FBLN2: variants seen among roughly 807,000 people sequenced by gnomAD.
FBLN2 encodes fibulin 2.
In FBLN2, 81 loss-of-function variants were observed where a neutral mutation model predicts 123.7. That is an observed-to-expected ratio of 0.65 (90% CI 0.55 to 0.79). The LOEUF is 0.79. Ranked by LOEUF, FBLN2 falls within the 30% of genes least tolerant of loss-of-function variation. The pLI is 0.00. For missense variants in FBLN2, 1,603 were observed against 1,681.3 expected (o/e 0.95, Z 0.81); for synonymous variants, 699 against 701.4 (o/e 1.00, Z 0.05).
chr3:13,561,583 C>G (rs1368076791), intron 1 of FBLN2, among the ~76,000 whole-genome samples: 2 of 152,212 alleles, frequency 1.3e-5, no homozygotes, highest in Admixed American at 1.3e-4. Context: ...TTCCCCAGAT[C>G]TTTGCATGGC....
intron 2 of FBLN2, among the ~76,000 whole-genome samples, chr3:13,573,139 G>T (rs917366240): frequency 6.6e-6 from 1 of 152,218 alleles, no homozygotes; most frequent in African/African-American, 2.4e-5. Context: ...TGGGGGGAGC[G>T]CCTCAAACAC....
At chr3:13,605,120 C>CA (rs1705160106) in intron 2 of FBLN2, among the ~76,000 whole-genome samples, 1 of 152,188 alleles carries the variant, frequency 6.6e-6, no homozygotes, top group Non-Finnish European at 1.5e-5. Context: ...AGGCACTCAT[C>CA]TGTTACTTGT....
In FBLN2 at chr3:13,562,549, G is replaced by A. The variant is rs192302534; in HGVS notation, c.-41-7766G>A. On this transcript the variant is annotated intron_variant, in intron 1 of 17. Transcript: ENST00000404922. ...TTTTTGTATTTTTAATAGAGATGGC[G>A]TTTCACCATGTTGGCCAGGATGGCC... Among the ~76,000 whole-genome samples, 203 of 152,090 alleles carry A rather than the reference G, an allele frequency of 1.3e-3. 2 individuals carry two copies. The highest frequency in any genetic ancestry group is 4.3e-4 in the Non-Finnish European group (29 of 68,000).
intron 9 of FBLN2, among the ~76,000 whole-genome samples, chr3:13,624,148 G>A (rs567789405): frequency 7.2e-5 from 11 of 152,322 alleles, no homozygotes; most frequent in African/African-American, 2.6e-4. Context: ...TGAATGATGG[G>A]TACAAGGGTA....
intron 2 of FBLN2, among the ~76,000 whole-genome samples, chr3:13,593,713 CAA>C (rs59546141): frequency 1.1e-4 from 9 of 81,176 alleles, no homozygotes; most frequent in Middle Eastern, 7.4e-3. Flanking sequence ...GACTCTATCT[CAA>C]AAAAAAAAAA....
chr3:13,614,886 G>T (rs1226821356), intron 5 of FBLN2, among the ~76,000 whole-genome samples: 1 of 132,708 alleles, frequency 7.5e-6, no homozygotes, highest in Non-Finnish European at 1.6e-5. Context: ...CCATCTGTCT[G>T]ATCATCTATT....
At chr3:13,580,250 T>C (rs1704279931) in intron 2 of FBLN2, among the ~76,000 whole-genome samples, 2 of 152,166 alleles carry the variant, frequency 1.3e-5, no homozygotes, top group South Asian at 2.1e-4. Flanking sequence ...GATATGGATG[T>C]AATTTTTTTT....
intron 2 of FBLN2, among the ~76,000 whole-genome samples, chr3:13,583,776 T>G (rs566573451): frequency 5.9e-4 from 90 of 152,366 alleles, no homozygotes; most frequent in Middle Eastern, 3.4e-3. Context: ...CAAGCCTGCC[T>G]GGCACAGAGG....
intron 1 of FBLN2, among the ~76,000 whole-genome samples, chr3:13,561,848 C>T (rs760582284): frequency 1.3e-4 from 20 of 152,210 alleles, no homozygotes; most frequent in African/African-American, 4.3e-4. Flanking sequence ...TCAACTTTCT[C>T]GGCCAGACAG....
At chr3:13,585,202 C>T (rs759804134) in intron 2 of FBLN2, among the ~76,000 whole-genome samples, 1 of 152,268 alleles carries the variant, frequency 6.6e-6, no homozygotes, top group East Asian at 1.9e-4. Context: ...TGCCTCACAC[C>T]CCCCACCAGC....
At chr3:13,617,969 C>T (rs746436935) in intron 5 of FBLN2, 107 bp from the exon 6 acceptor site, 193 of 941,186 alleles carry the variant, frequency 2.1e-4, no homozygotes, top group Non-Finnish European at 3.0e-4. Flanking sequence ...GTCTGCTGGG[C>T]ACACAGAGGT....
At chr3:13,617,364 A>G (rs1705655090) in intron 5 of FBLN2, among the ~76,000 whole-genome samples, 1 of 151,530 alleles carries the variant, frequency 6.6e-6, no homozygotes, top group South Asian at 2.1e-4. Flanking sequence ...CCATCCTTCC[A>G]TTCACTCATC....
chr3:13,631,184 C>A, intron 15 of FBLN2, 145 bp from the exon 16 acceptor site: 1 of 1,086,608 alleles, frequency 9.2e-7, no homozygotes, highest in Non-Finnish European at 1.3e-6. Context: ...CCTTGGGCAA[C>A]TCTCTTCTAC....
chr3:13,556,860 G>A lies in FBLN2; in HGVS notation c.-42+7652G>A, dbSNP rs145467796. Among the ~76,000 whole-genome samples, 224 of 152,266 alleles carry A rather than the reference G, an allele frequency of 1.5e-3. 5 individuals are homozygous for A. In the East Asian group the frequency reaches 0.035, roughly 24 times the overall value. ...CTGTGTCTGAGGCTATTCAGGAGACGTAGGGGCCCCACTACATCCTCCTGG... is the reference window on the plus strand; with the variant it reads ...CTGTGTCTGAGGCTATTCAGGAGACATAGGGGCCCCACTACATCCTCCTGG... On this transcript the variant is annotated intron_variant, in intron 1 of 17. Transcript: ENST00000404922.
At position 13,570,555 on chromosome 3, in the gene FBLN2, G is replaced by T; in HGVS notation, c.200G>T (p.Gly67Val). The change falls in exon 2 of 18, where the codon GGC becomes GTC. Residue 67 changes from glycine to valine, a missense_variant. Transcript: ENST00000404922. ...TCVQQGCACEGYQYYDCLQGG... is the reference protein window; with the variant it reads ...TCVQQGCACEVYQYYDCLQGG... ...GTGCAGCAGGGCTGCGCCTGCGAGG[G>T]CTACCAGTACTATGACTGCCTACAG... 6.3e-7 allele frequency: 1 copy of T among 1,590,086 alleles called. No homozygotes were observed. The highest frequency in any genetic ancestry group is 8.5e-7 in the Non-Finnish European group (1 of 1,169,762).
At chr3:13,613,446 C>T (rs1574983605) in intron 4 of FBLN2, among the ~76,000 whole-genome samples, 1 of 152,124 alleles carries the variant, frequency 6.6e-6, no homozygotes, top group African/African-American at 2.4e-5. Context: ...GGAACCTAGT[C>T]TTCTATTTTT....
intron 2 of FBLN2, among the ~76,000 whole-genome samples, chr3:13,603,407 GC>G (rs1705105357): frequency 1.9e-5 from 2 of 103,374 alleles, no homozygotes; most frequent in African/African-American, 7.8e-5. Context: ...CCCACGACAG[GC>G]CCCAGTGTGT....
chr3:13,619,009 C>A lies in FBLN2; in HGVS notation c.2045C>A (p.Thr682Asn). Residue 682 changes from threonine (T) to asparagine (N), a missense_variant, in exon 7 of 18, where the codon ACC becomes AAC. Thr to Asn is a moderately conservative substitution (Grantham distance 65). Coordinates refer to ENST00000404922, the MANE Select transcript of FBLN2 (RefSeq NM_001004019.2). ...CCGCTGCCACTGCCGCAGCCCAATA[C>A]CTGCAAAGGTAAGCAGTGTGGGTGG... ...TIPLPLPQPN[T>N]CKDNGPCKQV... is the part of the protein sequence containing the mutation. 2 of 1,609,608 alleles carry A rather than the reference C, an allele frequency of 1.2e-6. No individual in the cohort carries two copies. Among genetic ancestry groups the A allele is most frequent in the Admixed American group, 3.4e-5 (2 of 59,540 alleles).
chr3:13,564,964 G>GC (rs1472183839), intron 1 of FBLN2, among the ~76,000 whole-genome samples: 1 of 152,214 alleles, frequency 6.6e-6, no homozygotes, highest in African/African-American at 2.4e-5. Context: ...TGGGGCCTGA[G>GC]CCACATCCTG....
Sources: gnomAD v4.1 joint callset for allele counts (sites outside exome capture counted in the v4.1 genomes callset) on GRCh38, gnomAD v4.1.1 for gene constraint, MANE v1.5 for transcripts, NCBI Gene and HGNC (gene_info 2026-07-23, HGNC 2026-07-21) for gene names.